Variants in CTNNA3 observed in about 807,000 individuals in gnomAD.
CTNNA3 encodes catenin alpha 3, also known as catenin alpha-3.
CTNNA3 carries 76 observed loss-of-function variants against 95.7 expected under a neutral mutation model. The observed-to-expected ratio is 0.79, with a 90% CI of 0.66 to 0.96. CTNNA3 has a LOEUF of 0.96. Ranked by LOEUF, CTNNA3 falls within the 40% of genes least tolerant of loss-of-function variation. The pLI is 0.00. For synonymous variants in CTNNA3, 431 were observed against 374.4 expected (o/e 1.15, Z -1.74); for missense variants, 1,191 against 1,089.8 (o/e 1.09, Z -1.31).
chr10:66,587,947 G>A (rs76211590), intron 10 of CTNNA3, among the ~76,000 whole-genome samples: 3 of 152,108 alleles, frequency 2.0e-5, no homozygotes, highest in African/African-American at 4.8e-5. Context: ...GGCCAACAGG[G>A]TTTATCCTCA....
intron 3 of CTNNA3, among the ~76,000 whole-genome samples, chr10:67,587,303 T>C (rs1842664404): frequency 6.6e-6 from 1 of 151,382 alleles, no homozygotes. Context: ...CAAGTGATGC[T>C]ACTGCTTAGG....
At chr10:65,960,557 T>G (rs1380471982) in intron 17 of CTNNA3, among the ~76,000 whole-genome samples, 3 of 152,150 alleles carry the variant, frequency 2.0e-5, no homozygotes, top group Admixed American at 6.5e-5. Flanking sequence ...GGGGTACATG[T>G]GCAGTTTTGT....
intron 5 of CTNNA3, among the ~76,000 whole-genome samples, chr10:67,501,618 G>C (rs968837026): frequency 1.2e-4 from 18 of 152,194 alleles, no homozygotes; most frequent in African/African-American, 4.1e-4. Context: ...CGTAGGTTTG[G>C]TCTTTTCACA....
intron 1 of CTNNA3, among the ~76,000 whole-genome samples, chr10:67,727,501 T>A (rs1841243124): frequency 7.6e-6 from 1 of 132,048 alleles, no homozygotes; most frequent in South Asian, 2.2e-4. Context: ...AAACATAATA[T>A]ATCATATATA....
At chr10:67,206,158 T>G (rs145367384) in intron 6 of CTNNA3, among the ~76,000 whole-genome samples, 3 of 152,194 alleles carry the variant, frequency 2.0e-5, no homozygotes, top group Non-Finnish European at 4.4e-5. Flanking sequence ...TTATTCAAAT[T>G]ACCAGGTGAG....
At chr10:67,020,200 A>G (rs1172643180) in intron 7 of CTNNA3, among the ~76,000 whole-genome samples, 1 of 152,200 alleles carries the variant, frequency 6.6e-6, no homozygotes, top group African/African-American at 2.4e-5. Flanking sequence ...AGCCACCTCA[A>G]TCTAAGCCAA....
intron 13 of CTNNA3, among the ~76,000 whole-genome samples, chr10:66,124,423 G>A (rs985708569): frequency 6.6e-6 from 1 of 152,120 alleles, no homozygotes; most frequent in African/African-American, 2.4e-5. Context: ...CAAGTCTATA[G>A]GGTGTTCTAA....
At chr10:66,992,555 C>A (rs1851099120) in intron 7 of CTNNA3, among the ~76,000 whole-genome samples, 1 of 151,716 alleles carries the variant, frequency 6.6e-6, no homozygotes, top group Non-Finnish European at 1.5e-5. Flanking sequence ...TTAATGGCAA[C>A]AGAAATTTAA....
intron 10 of CTNNA3, among the ~76,000 whole-genome samples, chr10:66,546,275 A>G (rs1293202361): frequency 6.6e-6 from 1 of 152,172 alleles, no homozygotes; most frequent in African/African-American, 2.4e-5. Flanking sequence ...GATATGAGGG[A>G]GAACTCAAAT....
chr10:65,997,348 T>C (rs2078684494), intron 15 of CTNNA3, among the ~76,000 whole-genome samples: 1 of 152,318 alleles, frequency 6.6e-6, no homozygotes, highest in African/African-American at 2.4e-5. Context: ...TGATCTAAAA[T>C]AATCCAGCCA....
At chr10:67,329,768 A>C (rs1320949534) in intron 5 of CTNNA3, among the ~76,000 whole-genome samples, 1 of 152,242 alleles carries the variant, frequency 6.6e-6, no homozygotes, top group African/African-American at 2.4e-5. Flanking sequence ...AATTAGCTGC[A>C]AGTTAAAGAC....
At chr10:67,048,669 T>C (rs894447764) in intron 7 of CTNNA3, among the ~76,000 whole-genome samples, 1 of 152,098 alleles carries the variant, frequency 6.6e-6, no homozygotes, top group South Asian at 2.1e-4. Flanking sequence ...TATGACGCAC[T>C]ACATAGCTCT....
chr10:66,986,030 A>C (rs527699623), intron 7 of CTNNA3, among the ~76,000 whole-genome samples: 2 of 152,052 alleles, frequency 1.3e-5, no homozygotes, highest in African/African-American at 4.8e-5. Flanking sequence ...CTGGCCTCAC[A>C]TTCCTTCTTT....
At chr10:66,558,029 A>G (rs1842444828) in intron 10 of CTNNA3, among the ~76,000 whole-genome samples, 1 of 152,250 alleles carries the variant, frequency 6.6e-6, no homozygotes, top group East Asian at 1.9e-4. Context: ...CATACTCCTT[A>G]CCCTTGAAAA....
At chr10:66,758,006 T>A (rs527346887) in intron 9 of CTNNA3, among the ~76,000 whole-genome samples, 98 of 152,264 alleles carry the variant, frequency 6.4e-4, no homozygotes, top group African/African-American at 2.3e-3. Context: ...TACTAAATAT[T>A]TTATTTTCCT....
At chr10:67,549,086 T>C (rs1313227465) in intron 3 of CTNNA3, among the ~76,000 whole-genome samples, 1 of 151,934 alleles carries the variant, frequency 6.6e-6, no homozygotes, top group African/African-American at 2.4e-5. Context: ...TTTGAATAAG[T>C]TTTTTTTATT....
intron 5 of CTNNA3, among the ~76,000 whole-genome samples, chr10:67,273,874 G>A (rs1839079564): frequency 6.6e-6 from 1 of 152,110 alleles, no homozygotes; most frequent in Non-Finnish European, 1.5e-5. Context: ...ACTAATGAAG[G>A]GTGGAAAAGG....
chr10:66,736,330 C>T (rs546386262), intron 9 of CTNNA3, among the ~76,000 whole-genome samples: 11 of 151,814 alleles, frequency 7.2e-5, no homozygotes, highest in Admixed American at 3.3e-4. Flanking sequence ...GGACTACAGG[C>T]GCACGCCGCC....
At chr10:67,591,162 T>G (rs1473841622) in intron 3 of CTNNA3, among the ~76,000 whole-genome samples, 1 of 152,078 alleles carries the variant, frequency 6.6e-6, no homozygotes, top group Non-Finnish European at 1.5e-5. Context: ...GCAAATAATT[T>G]TAAGCCTTTT....
Sources: allele counts gnomAD v4.1 joint callset (sites outside exome capture counted in the v4.1 genomes callset), GRCh38; gene constraint gnomAD v4.1.1; transcripts MANE v1.5; gene names NCBI Gene and HGNC (gene_info 2026-07-23, HGNC 2026-07-21).